The following GALNT14 variants were observed in gnomAD, a reference collection of about 807,000 sequenced individuals.
The protein encoded by GALNT14 is polypeptide N-acetylgalactosaminyltransferase 14.
A neutral mutation model predicts 77.5 loss-of-function variants in GALNT14; 60 were observed. The observed-to-expected ratio is 0.77, with a 90% CI of 0.63 to 0.96. The LOEUF (loss-of-function observed/expected upper bound fraction) is 0.96, where lower values mean the gene tolerates loss of function less well. Ranked by LOEUF, GALNT14 falls within the 40% of genes least tolerant of loss-of-function variation. The pLI is 0.00. For synonymous variants in GALNT14, 280 were observed against 281.7 expected (o/e 0.99, Z 0.06); for missense variants, 710 against 731.0 (o/e 0.97, Z 0.33).
Position 30,920,293 on chromosome 2 carries a change from T to C in GALNT14, c.1380+3826A>G, listed in dbSNP as rs927753391. Among the ~76,000 whole-genome samples, 5 of 152,210 alleles carry C rather than the reference T, an allele frequency of 3.3e-5. No individual in the cohort carries two copies. The East Asian group carries it at 9.6e-4, about 29-fold the overall frequency. On this transcript the variant is annotated intron_variant, in intron 13 of 14. Coordinates refer to ENST00000349752, the MANE Select transcript of GALNT14 (RefSeq NM_024572.4). ...GGCCTGTATCTGTACGATGGGATAATAGCAACATCTACTTAACAGGCTTTT... is the reference window on the plus strand; with the variant it reads ...GGCCTGTATCTGTACGATGGGATAACAGCAACATCTACTTAACAGGCTTTT...
chr2:31,028,542 C>T (rs1672217562), intron 1 of GALNT14, among the ~76,000 whole-genome samples: 1 of 152,228 alleles, frequency 6.6e-6, no homozygotes, highest in South Asian at 2.1e-4. Flanking sequence ...CACCACCTGC[C>T]CTTCCCCATG....
intron 1 of GALNT14, among the ~76,000 whole-genome samples, chr2:31,028,052 A>T (rs1361802678): frequency 2.6e-5 from 4 of 152,102 alleles, no homozygotes; most frequent in Non-Finnish European, 1.5e-5. Context: ...TGTGCTTGTA[A>T]ACCTTAACCC....
intron 1 of GALNT14, chr2:31,132,483 C>G: frequency 4.0e-6 from 1 of 251,592 alleles, no homozygotes; most frequent in South Asian, 3.9e-5. Context: ...AAAGAAAGCA[C>G]AGCACCTTGT....
chr2:30,922,942 C>T (rs531694697), intron 13 of GALNT14, among the ~76,000 whole-genome samples: 1 of 152,104 alleles, frequency 6.6e-6, no homozygotes, highest in East Asian at 1.9e-4. Flanking sequence ...AAAAAATCTC[C>T]AAGAAATCGT....
intron 1 of GALNT14, among the ~76,000 whole-genome samples, chr2:31,116,131 C>T (rs10188244): frequency 0.62 from 93,549 of 151,856 alleles, 30,346 homozygotes; most frequent in African/African-American, 0.82. Context: ...AATATGCCTT[C>T]GAATGTCCTG....
At chr2:31,038,093 T>C (rs1375755207) in intron 1 of GALNT14, among the ~76,000 whole-genome samples, 2 of 81,154 alleles carry the variant, frequency 2.5e-5, no homozygotes, top group East Asian at 4.3e-4. Flanking sequence ...TATTTTTTTT[T>C]TTTTTTTTTT....
chr2:30,944,829 C>T (rs1171149274), intron 8 of GALNT14, 29 bp downstream of exon 8: 2 of 1,525,230 alleles, frequency 1.3e-6, no homozygotes, highest in Admixed American at 1.8e-5. Flanking sequence ...GATGGTCTGC[C>T]CACCCCTGCA....
At chr2:31,046,056 C>A (rs887800108) in intron 1 of GALNT14, among the ~76,000 whole-genome samples, 56 of 152,258 alleles carry the variant, frequency 3.7e-4, no homozygotes, top group African/African-American at 1.2e-3. Context: ...TTGTGCTAAT[C>A]ACTTTTCATG....
At chr2:31,059,922 C>T (rs149489684) in intron 1 of GALNT14, among the ~76,000 whole-genome samples, 4 of 152,262 alleles carry the variant, frequency 2.6e-5, no homozygotes, top group African/African-American at 9.6e-5. Flanking sequence ...TTATAGCAGT[C>T]CAAGCAGACT....
chr2:31,054,454 T>C (rs1674087617), intron 1 of GALNT14, among the ~76,000 whole-genome samples: 1 of 152,236 alleles, frequency 6.6e-6, no homozygotes, highest in South Asian at 2.1e-4. Flanking sequence ...CATTTGTCCA[T>C]GTCTGGGCTT....
chr2:30,903,647 C>G, the GALNT14 span, among the ~76,000 whole-genome samples: 1,500 of 152,278 alleles, frequency 9.9e-3, 12 homozygotes, highest in African/African-American at 0.029. Context: ...GTGACCCTGG[C>G]CAACGCTTTA....
chr2:31,043,659 A>AT (rs35691588), intron 1 of GALNT14, among the ~76,000 whole-genome samples: 1,729 of 149,652 alleles, frequency 0.012, 10 homozygotes, highest in East Asian at 0.018. Context: ...GGATCAGGTG[A>AT]TTTTTTTTTT....
At chr2:30,929,891 G>A (rs957343672) in intron 10 of GALNT14, among the ~76,000 whole-genome samples, 2 of 152,174 alleles carry the variant, frequency 1.3e-5, no homozygotes, top group African/African-American at 4.8e-5. Context: ...TGAAGGTAAT[G>A]ATATTTTTCC....
At chr2:31,125,749 G>T (rs1381188904) in intron 1 of GALNT14, among the ~76,000 whole-genome samples, 2 of 152,152 alleles carry the variant, frequency 1.3e-5, no homozygotes, top group African/African-American at 4.8e-5. Flanking sequence ...CATAATTACT[G>T]CTCCATGCTG....
intron 9 of GALNT14, among the ~76,000 whole-genome samples, chr2:30,937,926 C>T (rs558802783): frequency 2.6e-5 from 4 of 152,052 alleles, no homozygotes; most frequent in Non-Finnish European, 4.4e-5. Flanking sequence ...GGATGCATAG[C>T]GATGATTACA....
intron 1 of GALNT14, among the ~76,000 whole-genome samples, chr2:31,056,611 A>G (rs1674224484): frequency 6.6e-6 from 1 of 152,194 alleles, no homozygotes; most frequent in Admixed American, 6.5e-5. Flanking sequence ...TGCCATGGGG[A>G]GGCCTTTACA....
chr2:30,941,511 G>A lies in GALNT14; in HGVS notation c.931+690C>T, dbSNP rs1360611389. Among the ~76,000 whole-genome samples the A allele has an allele frequency of 2.0e-5, 3 of 152,212 alleles. No homozygotes were observed. The East Asian group carries it at 5.8e-4, about 29-fold the overall frequency. On this transcript the variant is annotated intron_variant, in intron 9 of 14. Coordinates refer to ENST00000349752, the MANE Select transcript of GALNT14 (RefSeq NM_024572.4). ...AACACCTTTAATACACAAGGGAAAT[G>A]AGTATTAAGTATCACTAGCTAGATG...
chr2:30,950,212 T>C (rs1450944466), intron 6 of GALNT14, among the ~76,000 whole-genome samples: 2 of 151,978 alleles, frequency 1.3e-5, no homozygotes, highest in Non-Finnish European at 2.9e-5. Flanking sequence ...TGGAGTTTCT[T>C]AAAATCTTTT....
rs540371890 is a variant in GALNT14, at chr2:31,060,819, C to T, written c.130-67812G>A. Among the ~76,000 whole-genome samples the T allele has an allele frequency of 2.0e-5, 3 of 152,276 alleles. No individual in the cohort carries two copies. The South Asian group carries it at 6.2e-4, about 32-fold the overall frequency. The stretch of plus-strand genomic sequence containing the variant: ...CCACCTGGCTCTCTTTTGCATTGTC[C>T]TTCATCTTGCCAGTGCTCCACCCAG... On this transcript the variant is annotated intron_variant, in intron 1 of 14. Coordinates refer to ENST00000349752, the MANE Select transcript of GALNT14 (RefSeq NM_024572.4).
Sources: gnomAD v4.1 joint callset for allele counts (sites outside exome capture counted in the v4.1 genomes callset) on GRCh38, gnomAD v4.1.1 for gene constraint, MANE v1.5 for transcripts, NCBI Gene and HGNC (gene_info 2026-07-23, HGNC 2026-07-21) for gene names.